Variants in PI3 observed in about 807,000 individuals in gnomAD.
The protein encoded by PI3 is peptidase inhibitor 3.
PI3 carries 4 observed loss-of-function variants against 6.0 expected under a neutral mutation model. The observed-to-expected ratio is 0.67, with a 90% confidence interval of 0.33 to 1.54. PI3 has a LOEUF of 1.54. PI3 is among the 40% of genes most tolerant of loss of function. The probability of loss-of-function intolerance (pLI) is 0.06; values close to 1 mark genes in which losing one functional copy is unlikely to be tolerated. For synonymous variants in PI3, 58 were observed against 56.9 expected (o/e 1.02, Z -0.09); for missense variants, 149 against 147.6 (o/e 1.01, Z -0.05).
At chr20:45,176,202 C>T (rs1982791782) in intron 2 of PI3, 66 bp downstream of exon 2, 6 of 1,540,822 alleles carry the variant, frequency 3.9e-6, no homozygotes, top group Middle Eastern at 2.2e-4. Context: ...GGTGGGGAAG[C>T]ATCCCAGGTT....
intron 1 of PI3, 110 bp from the exon 2 acceptor site, chr20:45,175,751 T>G (rs1982777149): frequency 1.8e-6 from 2 of 1,118,952 alleles, no homozygotes; most frequent in Non-Finnish European, 2.6e-6. Context: ...AGGCCATGGT[T>G]TGAGGATGCT....
chr20:45,176,147 G>C lies in PI3; in HGVS notation c.*1+11G>C, dbSNP rs749615803. 6.2e-7 allele frequency: 1 copy of C among 1,613,572 alleles called. No homozygotes were observed. The highest frequency in any genetic ancestry group is 8.5e-7 in the Non-Finnish European group (1 of 1,179,606). On this transcript the variant is annotated intron_variant, in intron 2 of 2. Coordinates refer to ENST00000243924, the MANE Select transcript of PI3 (RefSeq NM_002638.4). ...TCGTTCCCCAGTGAGGTGAGCACTAGCTGGAGAACGAGGAGACCCCTGAAG... is the reference window on the plus strand; with the variant it reads ...TCGTTCCCCAGTGAGGTGAGCACTACCTGGAGAACGAGGAGACCCCTGAAG...
At chr20:45,176,159 G>A (rs1251570408) in intron 2 of PI3, 23 bp downstream of exon 2, 2 of 1,612,290 alleles carry the variant, frequency 1.2e-6, no homozygotes, top group African/African-American at 2.7e-5. Flanking sequence ...TGGAGAACGA[G>A]GAGACCCCTG....
At chr20:45,175,312 G>A (rs1412620727) in intron 1 of PI3, among the ~76,000 whole-genome samples, 1 of 152,198 alleles carries the variant, frequency 6.6e-6, no homozygotes, top group Non-Finnish European at 1.5e-5. Context: ...TTAAACCTTG[G>A]GTGTGGACAC....
rs1982780061 is a variant in PI3 at position 45,175,869 on chromosome 20, A to C, written c.88A>C (p.Lys30Gln). 1.9e-6 allele frequency: 3 copies of C among 1,614,040 alleles called. No homozygotes were observed. The East Asian group carries it at 6.7e-5, about 36-fold the overall frequency. ...GTTTCTTCTTTTAACAGTTCCTGTTAAAGGTCAAGACACTGTCAAAGGCCG... is the reference window on the plus strand; with the variant it reads ...GTTTCTTCTTTTAACAGTTCCTGTTCAAGGTCAAGACACTGTCAAAGGCCG... ...LEAAVTGVPV[K>Q]GQDTVKGRVP... The change falls in exon 2 of 3, where the codon AAA (lysine) becomes CAA (glutamine). Residue 30 changes from lysine to glutamine, a missense_variant. By Grantham distance (53) the Lys-to-Gln change is moderately conservative. Transcript: ENST00000243924.
In PI3 at chr20:45,175,845, T is replaced by C. The variant is rs747987091; in HGVS notation, c.80-16T>C. The C allele has an allele frequency of 5.0e-6, 8 of 1,613,156 alleles. No homozygotes were observed. In the South Asian group the frequency reaches 7.7e-5, roughly 16 times the overall value. On this transcript the variant is annotated splice_polypyrimidine_tract_variant and intron_variant, in intron 1 of 2. Coordinates refer to ENST00000243924, the MANE Select transcript of PI3 (RefSeq NM_002638.4). ...CTTACTGGGTATAAATGTGGGCTCG[T>C]TTCTTCTTTTAACAGTTCCTGTTAA...
rs267605950 is a variant in PI3, at chr20:45,175,988, C to T, written c.207C>T (p.Val69=). The T allele has an allele frequency of 6.2e-7, 1 of 1,614,210 alleles. No individual in the cohort carries two copies. ...CGCAAGAGCCAGTCAAAGGTCCAGT[C>T]TCCACTAAGCCTGGCTCCTGCCCCA... The part of the protein sequence containing the change: ...VKAQEPVKGP[V]STKPGSCPII... The change falls in exon 2 of 3, where the codon GTC becomes GTT. Residue 69 remains valine, a synonymous_variant. Transcript: ENST00000243924.
At chr20:45,175,464 G>A (rs1037780114) in intron 1 of PI3, among the ~76,000 whole-genome samples, 2 of 152,198 alleles carry the variant, frequency 1.3e-5, no homozygotes, top group Non-Finnish European at 2.9e-5. Context: ...AGAAATGAGT[G>A]AGCAATTGCC....
chr20:45,175,224 G>A (rs1982766747), intron 1 of PI3, among the ~76,000 whole-genome samples: 1 of 152,222 alleles, frequency 6.6e-6, no homozygotes, highest in Admixed American at 6.5e-5. Flanking sequence ...GTTTGTGGAA[G>A]TAATGTTGGT....
Position 45,176,083 on chromosome 20 carries a change from T to A in PI3, c.302T>A (p.Ile101Asn). Reference sequence around the variant, plus strand: ...TTGAAAGATACTGACTGCCCAGGAATCAAGAAGTGCTGTGAAGGCTCTTGC... The same window carrying A: ...TTGAAAGATACTGACTGCCCAGGAAACAAGAAGTGCTGTGAAGGCTCTTGC... ...RCLKDTDCPG[I>N]KKCCEGSCGM... is the part of the protein sequence containing the mutation. The change falls in exon 2 of 3, where the codon ATC (isoleucine) becomes AAC (asparagine). Residue 101 changes from isoleucine to asparagine, a missense_variant. Ile to Asn is a moderately radical substitution (Grantham distance 149). Coordinates refer to ENST00000243924, the MANE Select transcript of PI3 (RefSeq NM_002638.4). 3 of 1,614,076 alleles carry A rather than the reference T, an allele frequency of 1.9e-6. No individual in the cohort carries two copies. Among genetic ancestry groups the A allele is most frequent in the Non-Finnish European group, 2.5e-6 (3 of 1,180,012 alleles).
In PI3 at chr20:45,175,879, A is replaced by G; in HGVS notation, c.98A>G (p.Asp33Gly). 1.9e-6 allele frequency: 3 copies of G among 1,614,096 alleles called. No homozygotes were observed. Among genetic ancestry groups the G allele is most frequent in the Non-Finnish European group, 2.5e-6 (3 of 1,179,964 alleles). Residue 33 changes from aspartate (D) to glycine (G), a missense_variant, in exon 2 of 3, where the codon GAC (aspartate) becomes GGC (glycine). Asp to Gly is a moderately conservative substitution (Grantham distance 94). Transcript: ENST00000243924. The stretch of plus-strand genomic sequence containing the variant: ...TTAACAGTTCCTGTTAAAGGTCAAG[A>G]CACTGTCAAAGGCCGTGTTCCATTC... Reference protein sequence around the residue: ...AVTGVPVKGQDTVKGRVPFNG... With the variant: ...AVTGVPVKGQGTVKGRVPFNG...
chr20:45,175,964 G>T lies in PI3; in HGVS notation c.183G>T (p.Ala61=), dbSNP rs192196570. 1.2e-6 allele frequency: 2 copies of T among 1,614,164 alleles called. No individual in the cohort carries two copies. Among genetic ancestry groups the T allele is most frequent in the Non-Finnish European group, 1.7e-6 (2 of 1,180,028 alleles). Residue 61 remains alanine (A), a synonymous_variant, in exon 2 of 3, where the codon GCG becomes GCT. Transcript: ENST00000243924. The part of the protein sequence containing the change: ...VSVKGQDKVK[A]QEPVKGPVST... The stretch of plus-strand genomic sequence containing the variant: ...TTAAAGGTCAAGATAAAGTCAAAGC[G>T]CAAGAGCCAGTCAAAGGTCCAGTCT...
At chr20:45,175,711 G>A in intron 1 of PI3, 150 bp from the exon 2 acceptor site, 1 of 783,178 alleles carries the variant, frequency 1.3e-6, no homozygotes, top group Non-Finnish European at 2.1e-6. Flanking sequence ...TTCCAAGAGT[G>A]TAGCTCCCAG....
At chr20:45,176,206 C>T (rs888003026) in intron 2 of PI3, 70 bp downstream of exon 2, 2 of 1,525,420 alleles carry the variant, frequency 1.3e-6, no homozygotes, top group African/African-American at 1.4e-5. Context: ...GGGAAGCATC[C>T]CAGGTTGGTG....
Position 45,176,128 on chromosome 20 carries a change from C to T in PI3, c.347C>T (p.Pro116Leu). ...TCTTGCGGGATGGCCTGTTTCGTTC[C>T]CCAGTGAGGTGAGCACTAGCTGGAG... Reference protein sequence around the residue: ...EGSCGMACFVPQ With the variant: ...EGSCGMACFVLQ Residue 116 changes from proline (P) to leucine (L), a missense_variant, in exon 2 of 3, where the codon CCC becomes CTC. Coordinates refer to ENST00000243924, the MANE Select transcript of PI3 (RefSeq NM_002638.4). 6.2e-7 allele frequency: 1 copy of T among 1,613,988 alleles called. No homozygotes were observed. The highest frequency in any genetic ancestry group is 2.2e-5 in the East Asian group (1 of 44,870).
intron 1 of PI3, among the ~76,000 whole-genome samples, chr20:45,175,352 A>G (rs1040479395): frequency 6.6e-6 from 1 of 152,190 alleles, no homozygotes; most frequent in African/African-American, 2.4e-5. Context: ...CCATAAAAGC[A>G]CTGGAGTAAT....
At position 45,176,156 on chromosome 20, in the gene PI3, C is replaced by A. The variant is rs17424474; in HGVS notation, c.*1+20C>A. 281,245 of 1,609,872 alleles carry A rather than the reference C, an allele frequency of 0.17. 26,057 individuals are homozygous for A. The highest frequency in any genetic ancestry group is 0.2 in the Middle Eastern group (1,189 of 5,832). ...AGTGAGGTGAGCACTAGCTGGAGAA[C>A]GAGGAGACCCCTGAAGACACAAAAG... On this transcript the variant is annotated intron_variant, in intron 2 of 2. Coordinates refer to ENST00000243924, the MANE Select transcript of PI3 (RefSeq NM_002638.4).
At chr20:45,176,206 C>A in intron 2 of PI3, 70 bp downstream of exon 2, 1 of 1,525,538 alleles carries the variant, frequency 6.6e-7, no homozygotes. Context: ...GGGAAGCATC[C>A]CAGGTTGGTG....
chr20:45,176,304 C>T (rs1982793685), intron 2 of PI3, 66 bp from the exon 3 acceptor site: 1 of 636,352 alleles, frequency 1.6e-6, no homozygotes. Context: ...GATGATCTGT[C>T]TTCCTCACTG....
Sources: allele counts gnomAD v4.1 joint callset (sites outside exome capture counted in the v4.1 genomes callset), GRCh38; gene constraint gnomAD v4.1.1; transcripts MANE v1.5; gene names NCBI Gene and HGNC (gene_info 2026-07-23, HGNC 2026-07-21).